The following SCAPER variants were observed in gnomAD, a reference collection of about 807,000 sequenced individuals.
SCAPER encodes the protein S phase cyclin A-associated protein in the endoplasmic reticulum.
In SCAPER, 98 loss-of-function variants were observed where a neutral mutation model predicts 182.2. The ratio of observed to expected loss-of-function variants is 0.54; its 90% CI spans 0.46 to 0.64. SCAPER has a LOEUF of 0.64. Among genes scored for constraint, SCAPER ranks in the 30% least tolerant of loss-of-function variants. SCAPER has a pLI of 0.00. For missense variants in SCAPER, 1,432 were observed against 1,690.0 expected (o/e 0.85, Z 2.68); for synonymous variants, 605 against 564.6 (o/e 1.07, Z -1.01).
chr15:76,720,901 T>C (rs910172570), intron 17 of SCAPER, among the ~76,000 whole-genome samples: 20 of 152,330 alleles, frequency 1.3e-4, no homozygotes, highest in African/African-American at 4.6e-4. Context: ...TGGTGGTTTC[T>C]TTTGCTGTGC....
chr15:76,756,957 G>T (rs2062471445), intron 14 of SCAPER, among the ~76,000 whole-genome samples: 1 of 152,118 alleles, frequency 6.6e-6, no homozygotes, highest in South Asian at 2.1e-4. Context: ...TTACCGCAAT[G>T]ATCAATAGTT....
At chr15:76,812,028 C>A (rs1383133388) in intron 5 of SCAPER, among the ~76,000 whole-genome samples, 1 of 151,750 alleles carries the variant, frequency 6.6e-6, no homozygotes, top group Non-Finnish European at 1.5e-5. Flanking sequence ...AGAAAAACAT[C>A]AATAGCCGGG....
chr15:76,605,165 T>C (rs2050271829), intron 22 of SCAPER, among the ~76,000 whole-genome samples: 1 of 152,202 alleles, frequency 6.6e-6, no homozygotes, highest in African/African-American at 2.4e-5. Flanking sequence ...GGGTTTGCCA[T>C]AGATAGCTCT....
At chr15:76,866,774 G>T (rs1015331200) in intron 2 of SCAPER, among the ~76,000 whole-genome samples, 24 of 152,054 alleles carry the variant, frequency 1.6e-4, no homozygotes, top group African/African-American at 5.8e-4. Flanking sequence ...CAGTATCAGG[G>T]TTTGAAATGC....
In SCAPER at chr15:76,354,134, C is replaced by G. The variant is rs757819578; in HGVS notation, c.3862G>C (p.Val1288Leu). The G allele has an allele frequency of 2.8e-5, 45 of 1,601,334 alleles. No homozygotes were observed. The highest frequency in any genetic ancestry group is 5.3e-5 in the Admixed American group (3 of 56,708). The change falls in exon 30 of 32, where the codon GTG becomes CTG. Residue 1288 changes from valine (V) to leucine (L), a missense_variant. Transcript: ENST00000563290. The surrounding 1 kb of genome is among the most constrained non-coding windows in gnomAD (Gnocchi z 4.4). The stretch of plus-strand genomic sequence containing the variant: ...ACTGTGGGGTGGCGGCCGGACTGCA[C>G]GATCACCTGAAATGGAAGAGCAGCC... ...TVNHPDNQVI[V>L]QSGRHPTVLQ... is the part of the protein sequence containing the mutation.
intron 23 of SCAPER, among the ~76,000 whole-genome samples, chr15:76,569,529 A>G (rs1430984817): frequency 6.6e-6 from 1 of 152,106 alleles, no homozygotes; most frequent in Non-Finnish European, 1.5e-5. Flanking sequence ...GTTTGTGAAC[A>G]TGGATTTCTT....
chr15:76,525,861 T>C (rs904401504), intron 23 of SCAPER, among the ~76,000 whole-genome samples: 1 of 152,206 alleles, frequency 6.6e-6, no homozygotes, highest in African/African-American at 2.4e-5. Flanking sequence ...TTATTTTCTT[T>C]TGGGTATACA....
intron 26 of SCAPER, among the ~76,000 whole-genome samples, chr15:76,430,054 G>C (rs2046761265): frequency 2.6e-5 from 4 of 152,218 alleles, no homozygotes; most frequent in African/African-American, 7.2e-5. Flanking sequence ...TTGGGCTGTT[G>C]CTCCAGAGGA....
chr15:76,687,210 A>G (rs1038459036), intron 20 of SCAPER, among the ~76,000 whole-genome samples: 1 of 152,164 alleles, frequency 6.6e-6, no homozygotes, highest in Non-Finnish European at 1.5e-5. Context: ...ACAAAAACCA[A>G]TCGGATAAAA....
intron 24 of SCAPER, among the ~76,000 whole-genome samples, chr15:76,491,681 G>C (rs762059925): frequency 3.3e-5 from 5 of 152,118 alleles, no homozygotes; most frequent in Non-Finnish European, 7.3e-5. Context: ...GCCCAGGCTG[G>C]AGTGCAGTGG....
intron 15 of SCAPER, chr15:76,737,084 TC>T (rs2061312774): frequency 6.6e-6 from 1 of 152,530 alleles, no homozygotes; most frequent in Admixed American, 6.5e-5. Flanking sequence ...TTTGACTTCC[TC>T]CCATGAATCA....
chr15:76,559,866 T>C (rs2046473627), intron 23 of SCAPER, among the ~76,000 whole-genome samples: 1 of 152,090 alleles, frequency 6.6e-6, no homozygotes, highest in Non-Finnish European at 1.5e-5. Context: ...GTAACAAACC[T>C]GCATATATGC....
intron 23 of SCAPER, among the ~76,000 whole-genome samples, chr15:76,567,964 G>A (rs1244372456): frequency 6.6e-6 from 1 of 151,872 alleles, no homozygotes; most frequent in Non-Finnish European, 1.5e-5. Context: ...GAAGAGATTA[G>A]TCTATATTAT....
chr15:76,670,956 T>C (rs1288666503), intron 20 of SCAPER, among the ~76,000 whole-genome samples: 2 of 152,156 alleles, frequency 1.3e-5, no homozygotes, highest in African/African-American at 4.8e-5. Context: ...TTTCTGAAGA[T>C]GGAAAGCATG....
chr15:76,848,680 T>C (rs1483922053), intron 4 of SCAPER, among the ~76,000 whole-genome samples: 2 of 152,208 alleles, frequency 1.3e-5, no homozygotes, highest in East Asian at 1.9e-4. Context: ...ATTATATGTG[T>C]ATCTAAAGGA....
intron 3 of SCAPER, among the ~76,000 whole-genome samples, chr15:76,860,569 T>C (rs891219940): frequency 3.2e-4 from 49 of 152,090 alleles, no homozygotes; most frequent in African/African-American, 9.9e-4. Flanking sequence ...GGAATACATA[T>C]GGAAATTCAC....
intron 23 of SCAPER, among the ~76,000 whole-genome samples, chr15:76,512,386 T>G (rs1160452289): frequency 6.6e-5 from 10 of 152,086 alleles, no homozygotes; most frequent in Non-Finnish European, 1.3e-4. Context: ...TAACAACCAT[T>G]AAGAAGGGAA....
chr15:76,664,522 T>A (rs2056425297), intron 21 of SCAPER, among the ~76,000 whole-genome samples: 1 of 152,126 alleles, frequency 6.6e-6, no homozygotes, highest in South Asian at 2.1e-4. Flanking sequence ...GTTTTGGACA[T>A]ACTAAGTTTG....
At chr15:76,746,520 C>T (rs145529351) in intron 15 of SCAPER, among the ~76,000 whole-genome samples, 8 of 152,280 alleles carry the variant, frequency 5.3e-5, no homozygotes, top group African/African-American at 9.6e-5. Context: ...TAGGTTCTAG[C>T]CAGAGCAATT....
Sources: gnomAD v4.1 joint callset for allele counts (sites outside exome capture counted in the v4.1 genomes callset) on GRCh38, gnomAD v4.1.1 for gene constraint, Gnocchi (gnomAD v3.1) non-coding constraint, MANE v1.5 for transcripts, NCBI Gene and HGNC (gene_info 2026-07-23, HGNC 2026-07-21) for gene names.